Variants in CYP2J2 observed in about 807,000 individuals in gnomAD.
The protein encoded by CYP2J2 is cytochrome P450 family 2 subfamily J member 2.
CYP2J2 carries 41 observed loss-of-function variants against 48.8 expected under a neutral mutation model. The observed-to-expected ratio is 0.84, with a 90% CI of 0.66 to 1.09. The LOEUF (loss-of-function observed/expected upper bound fraction) is 1.09. Ranked by LOEUF, CYP2J2 falls within the 50% of genes least tolerant of loss-of-function variation. The pLI, the probability that CYP2J2 is intolerant of heterozygous loss-of-function variation, is 0.00. For synonymous variants in CYP2J2, 221 were observed against 227.1 expected, an observed-to-expected ratio of 0.97 and a Z score of 0.24; for missense variants, 644 against 617.3, an observed-to-expected ratio of 1.04 and a Z score of -0.46.
upstream of CYP2J2, among the ~76,000 whole-genome samples, chr1:59,927,556 T>C (rs1049305262): frequency 1.3e-5 from 2 of 152,188 alleles, no homozygotes; most frequent in African/African-American, 4.8e-5. Context: ...GTACTCAACA[T>C]AGAGTCACAT....
the CYP2J2 span, among the ~76,000 whole-genome samples, chr1:59,941,498 T>C: frequency 6.6e-6 from 1 of 152,232 alleles, no homozygotes. Context: ...CTACACTTTT[T>C]AATCATCACT....
At chr1:59,929,562 CAAT>C (rs1228895790), upstream of CYP2J2, among the ~76,000 whole-genome samples, 1 of 151,470 alleles carries the variant, frequency 6.6e-6, no homozygotes, top group Non-Finnish European at 1.5e-5. Context: ...TAGAGGATAT[CAAT>C]AATGAGATAG....
At chr1:59,934,846 T>C in the CYP2J2 span, among the ~76,000 whole-genome samples, 3 of 151,276 alleles carry the variant, frequency 2.0e-5, no homozygotes, top group Non-Finnish European at 3.0e-5. Context: ...CAATCCCACA[T>C]CTGGTTATAT....
intron 1 of CYP2J2, among the ~76,000 whole-genome samples, chr1:59,920,140 C>CCAGATCTTA (rs946277277): frequency 3.3e-5 from 5 of 151,224 alleles, no homozygotes; most frequent in Non-Finnish European, 5.9e-5. Flanking sequence ...GGTATCTGAG[C>CCAGATCTTA]CAGATCTTAA....
chr1:59,899,316 T>C (rs1644296171), intron 8 of CYP2J2, among the ~76,000 whole-genome samples: 1 of 152,204 alleles, frequency 6.6e-6, no homozygotes, highest in Non-Finnish European at 1.5e-5. Flanking sequence ...TTTCATATTC[T>C]AAGTGAATTG....
the CYP2J2 span, among the ~76,000 whole-genome samples, chr1:59,944,335 G>A: frequency 2.6e-5 from 4 of 152,108 alleles, no homozygotes; most frequent in East Asian, 1.9e-4. Flanking sequence ...AGATCCTCCC[G>A]CCTCAGCTCG....
rs146801076 is a variant in CYP2J2, at chr1:59,926,718, G to A, written c.29C>T (p.Ala10Val). 6.2e-7 allele frequency: 1 copy of A among 1,612,986 alleles called. No individual in the cohort carries two copies. Among genetic ancestry groups the A allele is most frequent in the Non-Finnish European group, 8.5e-7 (1 of 1,179,518 alleles). Residue 10 changes from alanine (A) to valine (V), a missense_variant, in exon 1 of 9, where the codon GCT becomes GTT. Transcript: ENST00000371204. MLAAMGSLA[A>V]ALWAVVHPRT... ...AGGATGGACCACTGCCCAGAGGGCA[G>A]CCGCCAGAGAGCCCATCGCCGCGAG...
At chr1:59,948,841 G>A in the CYP2J2 span, among the ~76,000 whole-genome samples, 9 of 152,102 alleles carry the variant, frequency 5.9e-5, no homozygotes, top group African/African-American at 2.2e-4. Flanking sequence ...TGGTGCAAAT[G>A]CAAACCCATT....
the CYP2J2 span, among the ~76,000 whole-genome samples, chr1:59,931,891 T>C: frequency 6.6e-6 from 1 of 152,134 alleles, no homozygotes; most frequent in Non-Finnish European, 1.5e-5. Context: ...ATCAGGATAA[T>C]TTGAGATTTA....
chr1:59,904,605 C>A (rs1367149185), intron 7 of CYP2J2: 2 of 392,458 alleles, frequency 5.1e-6, no homozygotes, highest in Non-Finnish European at 9.1e-6. Flanking sequence ...TGCACATTAG[C>A]ATAGTAAAAA....
the CYP2J2 span, among the ~76,000 whole-genome samples, chr1:59,950,789 A>C: frequency 1.3e-5 from 2 of 152,156 alleles, no homozygotes; most frequent in Admixed American, 1.3e-4. Context: ...CATCTGAGGC[A>C]TTGATGCTGG....
rs1025612301 is a variant in CYP2J2, at chr1:59,915,946, T to G, written c.365A>C (p.Lys122Thr). 18 of 1,612,166 alleles carry G rather than the reference T, an allele frequency of 1.1e-5. No homozygotes were observed. Among genetic ancestry groups the G allele is most frequent in the Non-Finnish European group, 1.4e-5 (16 of 1,179,404 alleles). Residue 122 changes from lysine to threonine, a missense_variant, in exon 2 of 9, where the codon AAG becomes ACG. Lys to Thr is a moderately conservative substitution (Grantham distance 78). Transcript: ENST00000371204. ...PVTPMREHIF[K>T]KNGLIMSSGQ... is the part of the protein sequence containing the mutation. ...TTGGCCAAGAAACTTACCATTTTTCTTAAAGATATGTTCTCGCATAGGGGT... is the reference window on the plus strand; with the variant it reads ...TTGGCCAAGAAACTTACCATTTTTCGTAAAGATATGTTCTCGCATAGGGGT...
intron 1 of CYP2J2, among the ~76,000 whole-genome samples, chr1:59,919,177 C>A (rs1474244713): frequency 6.6e-6 from 1 of 152,104 alleles, no homozygotes; most frequent in Non-Finnish European, 1.5e-5. Flanking sequence ...CTAAGAGGCA[C>A]AAAAATGCAT....
chr1:59,917,684 A>C (rs1235260734), intron 1 of CYP2J2, among the ~76,000 whole-genome samples: 1 of 152,206 alleles, frequency 6.6e-6, no homozygotes, highest in Non-Finnish European at 1.5e-5. Flanking sequence ...AAGTGTGCAA[A>C]TATCTGCAAA....
At position 59,916,043 on chromosome 1, in the gene CYP2J2, G is replaced by T; in HGVS notation, c.268C>A (p.Leu90Ile). ...SLELGDISAV[L>I]ITGLPLIKEA... Reference sequence around the variant, plus strand: ...TTGATTAAGGGCAAGCCAGTAATAAGAACTGCAGATATGTCACCAAGCTCC... The same window carrying T: ...TTGATTAAGGGCAAGCCAGTAATAATAACTGCAGATATGTCACCAAGCTCC... Residue 90 changes from leucine (L) to isoleucine (I), a missense_variant, in exon 2 of 9, where the codon CTT (leucine) becomes ATT (isoleucine). Physicochemically the swap from Leu to Ile is conservative, Grantham distance 5 (BLOSUM62 2). Transcript: ENST00000371204. The T allele has an allele frequency of 6.2e-7, 1 of 1,613,896 alleles. No individual in the cohort carries two copies. Among genetic ancestry groups the T allele is most frequent in the Non-Finnish European group, 8.5e-7 (1 of 1,179,870 alleles).
chr1:59,902,087 A>G (rs556345196), intron 7 of CYP2J2, among the ~76,000 whole-genome samples: 24 of 152,196 alleles, frequency 1.6e-4, no homozygotes, highest in Admixed American at 1.2e-3. Context: ...TTAATTCAGC[A>G]TCCTTTTTAA....
Position 59,901,044 on chromosome 1 carries a change from G to T in CYP2J2, c.1251C>A (p.Thr417=). The change falls in exon 8 of 9, where the codon ACC becomes ACA. Residue 417 remains threonine, a synonymous_variant. Transcript: ENST00000371204. ...AATGGTCCGGATTGAATGTGTCAGG[G>T]GTGGCCCACTCTGTGGGGTCCCTGT... The part of the protein sequence containing the change: ...ALHRDPTEWA[T]PDTFNPDHFL... 1 of 1,614,142 alleles carries T rather than the reference G, an allele frequency of 6.2e-7. No individual in the cohort carries two copies. The highest frequency in any genetic ancestry group is 1.1e-5 in the South Asian group (1 of 91,080).
the CYP2J2 span, among the ~76,000 whole-genome samples, chr1:59,935,051 T>C: frequency 0.017 from 1,881 of 107,734 alleles, 42 homozygotes; most frequent in Middle Eastern, 0.05. Context: ...TATATATATA[T>C]ACACAACAGA....
the CYP2J2 span, among the ~76,000 whole-genome samples, chr1:59,942,293 C>T: frequency 6.6e-6 from 1 of 152,094 alleles, no homozygotes; most frequent in South Asian, 2.1e-4. Context: ...CCCCTGAATG[C>T]CAAGAAGGAG....
Sources: gnomAD v4.1 joint callset for allele counts (sites outside exome capture counted in the v4.1 genomes callset) on GRCh38, gnomAD v4.1.1 for gene constraint, MANE v1.5 for transcripts, NCBI Gene and HGNC (gene_info 2026-07-23, HGNC 2026-07-21) for gene names.